The following P2RX3 variants were observed in gnomAD, a reference collection of about 807,000 sequenced individuals.
The protein encoded by P2RX3 is purinergic receptor P2X 3.
P2RX3 carries 41 observed loss-of-function variants against 51.5 expected under a neutral mutation model. The ratio of observed to expected loss-of-function variants is 0.80; its 90% CI spans 0.62 to 1.03. The LOEUF is 1.03. Among genes scored for constraint, P2RX3 ranks in the 50% least tolerant of loss-of-function variants. The probability of loss-of-function intolerance (pLI) is 0.00; values close to 1 mark genes in which losing one functional copy is unlikely to be tolerated. For synonymous variants in P2RX3, 185 were observed against 191.6 expected (o/e 0.97, Z 0.29); for missense variants, 459 against 522.1 (o/e 0.88, Z 1.18).
chr11:57,342,044 C>T (rs1267555032), intron 1 of P2RX3, among the ~76,000 whole-genome samples: 1 of 152,090 alleles, frequency 6.6e-6, no homozygotes. Context: ...CCACTCCATC[C>T]TCTCAGCCCA....
chr11:57,365,620 C>A (rs1856786005), intron 8 of P2RX3, among the ~76,000 whole-genome samples: 1 of 152,190 alleles, frequency 6.6e-6, no homozygotes. Flanking sequence ...CCCTGTCTCA[C>A]CAACAGACCT....
chr11:57,355,615 A>G (rs981178418), intron 8 of P2RX3, among the ~76,000 whole-genome samples: 1 of 152,232 alleles, frequency 6.6e-6, no homozygotes, highest in East Asian at 1.9e-4. Context: ...TGCTGGGATT[A>G]TACGCGTGAG....
In P2RX3 at chr11:57,372,201, C is replaced by T. The variant is rs182165012; in HGVS notation, c.*2204C>T. 2.6e-5 allele frequency among the ~76,000 whole-genome samples: 4 copies of T among 152,296 alleles called. No homozygotes were observed. The highest frequency in any genetic ancestry group is 3.9e-4 in the East Asian group (2 of 5,186). ...TTGATAGAAAAAGAAATTTACAGTA[C>T]GTGGAAATGAGATCTGGAACCTATG... is the stretch of plus-strand genomic sequence containing the variant. On this transcript the variant is annotated 3_prime_UTR_variant, in exon 12 of 12. Coordinates refer to ENST00000263314, the MANE Select transcript of P2RX3 (RefSeq NM_002559.5).
chr11:57,364,745 G>C (rs1007027527), intron 8 of P2RX3, among the ~76,000 whole-genome samples: 6 of 151,974 alleles, frequency 3.9e-5, no homozygotes, highest in African/African-American at 1.5e-4. Flanking sequence ...TGGTTGTGAG[G>C]CTGTCTTCCT....
At chr11:57,339,021 C>A (rs1372781091) in intron 1 of P2RX3, among the ~76,000 whole-genome samples, 1 of 152,192 alleles carries the variant, frequency 6.6e-6, no homozygotes, top group African/African-American at 2.4e-5. Context: ...AACAGGCAGA[C>A]CCCCTCCCAC....
chr11:57,365,418 C>T (rs1227768269), intron 8 of P2RX3, among the ~76,000 whole-genome samples: 1 of 152,222 alleles, frequency 6.6e-6, no homozygotes, highest in Admixed American at 6.5e-5. Flanking sequence ...GTGCCCTGGC[C>T]TCTCTTTTTC....
Position 57,346,614 on chromosome 11 carries a change from G to A in P2RX3, c.190G>A (p.Val64Met), listed in dbSNP as rs757921679. The A allele has an allele frequency of 6.2e-7, 1 of 1,614,190 alleles. No individual in the cohort carries two copies. Among genetic ancestry groups the A allele is most frequent in the South Asian group, 1.1e-5 (1 of 91,076 alleles). Residue 64 changes from valine to methionine, a missense_variant, in exon 2 of 12, where the codon GTG becomes ATG. By Grantham distance (21) the Val-to-Met change is conservative. Coordinates refer to ENST00000263314, the MANE Select transcript of P2RX3 (RefSeq NM_002559.5). ...CATTGAGTCCTCGGTGGTAACCAAG[G>A]TGAAGGGCTCCGGACTCTACGCCAA... ...TAIESSVVTK[V>M]KGSGLYANRV...
At chr11:57,355,524 A>G (rs1005883559) in intron 8 of P2RX3, among the ~76,000 whole-genome samples, 2 of 151,962 alleles carry the variant, frequency 1.3e-5, no homozygotes, top group African/African-American at 4.8e-5. Context: ...TATTTTTAGT[A>G]GAGACGGGAT....
intron 5 of P2RX3, 45 bp from the exon 6 acceptor site, chr11:57,348,582 C>A (rs772681300): frequency 5.3e-6 from 8 of 1,518,794 alleles, no homozygotes; most frequent in Non-Finnish European, 6.4e-6. Flanking sequence ...CTTCATTTCC[C>A]CCTCTTCTTC....
chr11:57,363,436 G>A (rs182694716), intron 8 of P2RX3, among the ~76,000 whole-genome samples: 1 of 152,114 alleles, frequency 6.6e-6, no homozygotes, highest in Non-Finnish European at 1.5e-5. Context: ...GTCATTCAGG[G>A]ATCTAGGCTC....
chr11:57,359,331 G>GCAGAAA (rs1450646106), intron 8 of P2RX3, among the ~76,000 whole-genome samples: 6 of 152,182 alleles, frequency 3.9e-5, no homozygotes, highest in Non-Finnish European at 7.3e-5. Flanking sequence ...GGGGGAGGAA[G>GCAGAAA]CCAGGGAATG....
intron 1 of P2RX3, among the ~76,000 whole-genome samples, chr11:57,342,262 C>A (rs966938352): frequency 6.8e-6 from 1 of 147,996 alleles, no homozygotes; most frequent in Non-Finnish European, 1.5e-5. Context: ...TGGGTTGAAG[C>A]GACTCTCCTG....
In P2RX3 at chr11:57,372,317, T is replaced by G. The variant is rs1856899950; in HGVS notation, c.*2320T>G. Among the ~76,000 whole-genome samples the G allele has an allele frequency of 1.3e-5, 2 of 152,042 alleles. No individual in the cohort carries two copies. The highest frequency in any genetic ancestry group is 2.9e-5 in the Non-Finnish European group (2 of 68,016). On this transcript the variant is annotated 3_prime_UTR_variant, in exon 12 of 12. Transcript: ENST00000263314. ...ATTGGCAGGCAATGGACCAAATGAGTGACAGGGATTGTCTAACTCAACCCC... is the reference window on the plus strand; with the variant it reads ...ATTGGCAGGCAATGGACCAAATGAGGGACAGGGATTGTCTAACTCAACCCC...
intron 8 of P2RX3, among the ~76,000 whole-genome samples, chr11:57,360,883 G>T (rs1590637376): frequency 1.3e-5 from 2 of 152,242 alleles, no homozygotes; most frequent in South Asian, 2.1e-4. Flanking sequence ...AGTCTGGTGT[G>T]GCAGATACTG....
Position 57,350,874 on chromosome 11 carries a change from G to A in P2RX3, c.818G>A (p.Ser273Asn). The A allele has an allele frequency of 1.9e-6, 3 of 1,614,134 alleles. No homozygotes were observed. Among genetic ancestry groups the A allele is most frequent in the Non-Finnish European group, 2.5e-6 (3 of 1,180,026 alleles). Reference protein sequence around the residue: ...TRLDSVSEKSSVSPGYNFRFA... With the variant: ...TRLDSVSEKSNVSPGYNFRFA... ...CTCGACAGCGTTTCTGAGAAAAGCA[G>A]CGTGTCCCCAGGCTACAACTTCAGG... Residue 273 changes from serine (S) to asparagine (N), a missense_variant, in exon 8 of 12, where the codon AGC becomes AAC. By Grantham distance (46) the Ser-to-Asn change is conservative. Transcript: ENST00000263314.
Position 57,370,003 on chromosome 11 carries a change from C to G in P2RX3, c.*6C>G. Reference sequence around the variant, plus strand: ...CCTTCTCCATAGGCCACTAGGGCCTCTTTCCAGGGCCCCACACTCACAAAG... The same window carrying G: ...CCTTCTCCATAGGCCACTAGGGCCTGTTTCCAGGGCCCCACACTCACAAAG... On this transcript the variant is annotated 3_prime_UTR_variant, in exon 12 of 12. Transcript: ENST00000263314. 6.3e-7 allele frequency: 1 copy of G among 1,589,108 alleles called. No homozygotes were observed. Among genetic ancestry groups the G allele is most frequent in the Non-Finnish European group, 8.6e-7 (1 of 1,158,144 alleles).
chr11:57,341,869 C>A (rs541252962), intron 1 of P2RX3, among the ~76,000 whole-genome samples: 2 of 152,160 alleles, frequency 1.3e-5, no homozygotes, highest in Non-Finnish European at 2.9e-5. Flanking sequence ...CTCCCCCATA[C>A]AAGACCCAGT....
At chr11:57,367,913 C>A in intron 8 of P2RX3, 96 bp from the exon 9 acceptor site, 2 of 927,712 alleles carry the variant, frequency 2.2e-6, no homozygotes, top group South Asian at 2.8e-5. Context: ...AAGGGTTGCT[C>A]AGTGAGCCAA....
rs187997526 is a variant in P2RX3 at position 57,348,584 on chromosome 11, C to T, written c.486-43C>T. 6.8e-5 allele frequency: 105 copies of T among 1,538,256 alleles called. 1 individual carries two copies. In the East Asian group the frequency reaches 2.2e-3, roughly 32 times the overall value. On this transcript the variant is annotated intron_variant, in intron 5 of 11. Coordinates refer to ENST00000263314, the MANE Select transcript of P2RX3 (RefSeq NM_002559.5). Reference sequence around the variant, plus strand: ...CTCAGGTGAAAGCCTTCATTTCCCCCTCTTCTTCCTGGAAAGCTAAGGCCT... The same window carrying T: ...CTCAGGTGAAAGCCTTCATTTCCCCTTCTTCTTCCTGGAAAGCTAAGGCCT...
Sources: gnomAD v4.1 joint callset for allele counts (sites outside exome capture counted in the v4.1 genomes callset) on GRCh38, gnomAD v4.1.1 for gene constraint, MANE v1.5 for transcripts, NCBI Gene and HGNC (gene_info 2026-07-23, HGNC 2026-07-21) for gene names.